ATP2B2: variants seen among roughly 807,000 people sequenced by gnomAD.
ATP2B2 encodes ATPase plasma membrane Ca2+ transporting 2.
A neutral mutation model predicts 120.0 loss-of-function variants in ATP2B2; 15 were observed. The observed-to-expected ratio is 0.12, with a 90% CI of 0.08 to 0.19. The LOEUF is 0.19. Ranked by LOEUF, ATP2B2 falls within the 10% of genes least tolerant of loss-of-function variation. The probability of loss-of-function intolerance (pLI) is 1.00; values close to 1 mark genes in which losing one functional copy is unlikely to be tolerated. For synonymous variants in ATP2B2, 694 were observed against 700.3 expected (o/e 0.99, Z 0.14); for missense variants, 1,045 against 1,719.8 (o/e 0.61, Z 6.94).
intron 2 of ATP2B2, among the ~76,000 whole-genome samples, chr3:10,448,153 C>T (rs1395400371): frequency 6.6e-6 from 1 of 152,200 alleles, no homozygotes; most frequent in Non-Finnish European, 1.5e-5. Flanking sequence ...CCTTTTCTGT[C>T]ATGAAGGATA....
chr3:10,466,882 A>G (rs1389436725), intron 1 of ATP2B2, among the ~76,000 whole-genome samples: 1 of 152,238 alleles, frequency 6.6e-6, no homozygotes, highest in African/African-American at 2.4e-5. Context: ...CGACATCTCC[A>G]GGGGTGACCG....
intron 3 of ATP2B2, among the ~76,000 whole-genome samples, chr3:10,521,099 G>T (rs753600125): frequency 6.6e-6 from 1 of 152,234 alleles, no homozygotes; most frequent in Non-Finnish European, 1.5e-5. Flanking sequence ...ACAAGGTTTT[G>T]CCTGAGACCC....
upstream of ATP2B2, among the ~76,000 whole-genome samples, chr3:10,508,897 A>C (rs2066703256): frequency 6.6e-6 from 1 of 152,222 alleles, no homozygotes; most frequent in South Asian, 2.1e-4. Flanking sequence ...GATTTGGCTT[A>C]TGGTGGACAC....
chr3:10,344,122 C>A (rs550570628), intron 18 of ATP2B2, among the ~76,000 whole-genome samples: 1 of 152,234 alleles, frequency 6.6e-6, no homozygotes, highest in East Asian at 1.9e-4. Flanking sequence ...CCCGTCCTCC[C>A]CACCCCGGGC....
rs897786710 is a variant in ATP2B2, at chr3:10,577,124, A to C, written c.-415+42793T>G. On this transcript the variant is annotated intron_variant, in intron 2 of 21. Transcript: ENST00000646379. Reference sequence around the variant, plus strand: ...GCCAGCAGCCTCATTGTCACCTAGGAACTTGATGGAAGTCCAGGCACTGAG... The same window carrying C: ...GCCAGCAGCCTCATTGTCACCTAGGCACTTGATGGAAGTCCAGGCACTGAG... Among the ~76,000 whole-genome samples, 26 of 151,466 alleles carry C rather than the reference A, an allele frequency of 1.7e-4. No individual in the cohort carries two copies. The Middle Eastern group carries it at 0.01, about 60-fold the overall frequency.
At position 10,343,671 on chromosome 3, in the gene ATP2B2, AGCCAGACTTTG is replaced by A. The variant is rs573669223; in HGVS notation, c.2704-717_2704-707del. 3.9e-5 allele frequency among the ~76,000 whole-genome samples: 6 copies of A among 152,054 alleles called. No homozygotes were observed. Among genetic ancestry groups the A allele is most frequent in the African/African-American group, 1.4e-4 (6 of 41,440 alleles). On this transcript the variant is annotated intron_variant, in intron 18 of 22. Transcript: ENST00000360273. This position sits in a 1 kb window ranked among gnomAD's most constrained non-coding sequence, Gnocchi z 4.2. ...CACCCCCACGTATCTTGTCCACAGC[AGCCAGACTTTG>A]GCCCCTCCACGTTCCCAGAATGCCC...
At chr3:10,567,992 T>C (rs145932997) in intron 2 of ATP2B2, among the ~76,000 whole-genome samples, 349 of 152,350 alleles carry the variant, frequency 2.3e-3, no homozygotes, top group Non-Finnish European at 3.7e-3. Context: ...ATATCCTGTT[T>C]GGCCAACTCC....
intron 1 of ATP2B2, among the ~76,000 whole-genome samples, chr3:10,479,389 C>G (rs2065319184): frequency 6.6e-6 from 1 of 151,820 alleles, no homozygotes; most frequent in Non-Finnish European, 1.5e-5. Flanking sequence ...TGTTCCCTCC[C>G]TATCATCACC....
intron 2 of ATP2B2, among the ~76,000 whole-genome samples, chr3:10,615,396 A>G (rs2069357802): frequency 6.6e-6 from 1 of 152,194 alleles, no homozygotes; most frequent in Non-Finnish European, 1.5e-5. Flanking sequence ...ATGAGCAGAA[A>G]CGAAGGGAGG....
chr3:10,591,822 G>A (rs908285939), intron 2 of ATP2B2, among the ~76,000 whole-genome samples: 6 of 152,212 alleles, frequency 3.9e-5, no homozygotes, highest in Admixed American at 6.5e-5. Context: ...TAGTGCCATA[G>A]AAATCCATGT....
intron 2 of ATP2B2, among the ~76,000 whole-genome samples, chr3:10,545,673 G>A (rs994826580): frequency 1.3e-5 from 2 of 152,218 alleles, no homozygotes; most frequent in Non-Finnish European, 2.9e-5. Flanking sequence ...AATTGGGAAT[G>A]CAGACATCAT....
chr3:10,699,453 T>C (rs2071785835), intron 1 of ATP2B2, among the ~76,000 whole-genome samples: 1 of 152,234 alleles, frequency 6.6e-6, no homozygotes, highest in Non-Finnish European at 1.5e-5. Context: ...ACAGAATATC[T>C]ATTTATCTAT....
At chr3:10,426,717 G>A (rs2063156831) in intron 2 of ATP2B2, among the ~76,000 whole-genome samples, 1 of 152,230 alleles carries the variant, frequency 6.6e-6, no homozygotes. Context: ...TCCAGTATCA[G>A]AAATAAACGC....
At chr3:10,657,866 CCT>C (rs1486812274) in intron 1 of ATP2B2, among the ~76,000 whole-genome samples, 2 of 152,246 alleles carry the variant, frequency 1.3e-5, no homozygotes, top group Non-Finnish European at 2.9e-5. Flanking sequence ...CAGACTGACA[CCT>C]CACACAGCTG....
intron 2 of ATP2B2, among the ~76,000 whole-genome samples, chr3:10,428,859 C>A (rs932044846): frequency 4.6e-5 from 7 of 152,248 alleles, no homozygotes; most frequent in Non-Finnish European, 8.8e-5. Context: ...CTTGTCACAG[C>A]CTCACCGGGC....
At chr3:10,630,537 G>A (rs2069834290) in intron 1 of ATP2B2, among the ~76,000 whole-genome samples, 1 of 152,148 alleles carries the variant, frequency 6.6e-6, no homozygotes, top group African/African-American at 2.4e-5. Context: ...ATTCCATGGT[G>A]TATATGTACC....
At chr3:10,382,689 T>G (rs538986077) in intron 8 of ATP2B2, among the ~76,000 whole-genome samples, 29 of 152,198 alleles carry the variant, frequency 1.9e-4, no homozygotes, top group Non-Finnish European at 3.4e-4. Flanking sequence ...ATTATAACCA[T>G]GATTACAGGT....
At chr3:10,602,048 C>G (rs1363319113) in intron 2 of ATP2B2, among the ~76,000 whole-genome samples, 2 of 152,246 alleles carry the variant, frequency 1.3e-5, no homozygotes, top group Non-Finnish European at 2.9e-5. Context: ...CTCCCCGCGC[C>G]TGCAGAGGAA....
chr3:10,447,365 AGC>A (rs2063873123), intron 2 of ATP2B2, among the ~76,000 whole-genome samples: 1 of 152,218 alleles, frequency 6.6e-6, no homozygotes, highest in Non-Finnish European at 1.5e-5. Flanking sequence ...CTTGGCCGTG[AGC>A]TGCTCAACTT....
Sources: allele counts gnomAD v4.1 joint callset (sites outside exome capture counted in the v4.1 genomes callset), GRCh38; gene constraint gnomAD v4.1.1; non-coding constraint Gnocchi (gnomAD v3.1); transcripts MANE v1.5; gene names NCBI Gene and HGNC (gene_info 2026-07-23, HGNC 2026-07-21).